CFAP53: variants seen among roughly 807,000 people sequenced by gnomAD.
The protein encoded by CFAP53 is cilia- and flagella-associated protein 53.
In CFAP53, 62 loss-of-function variants were observed where a neutral mutation model predicts 59.7. That is an observed-to-expected ratio of 1.04 (90% CI 0.85 to 1.28). The LOEUF (loss-of-function observed/expected upper bound fraction) is 1.28. Among genes scored for constraint, CFAP53 ranks in the 50% most tolerant of loss-of-function variants. The pLI is 0.00. For synonymous variants in CFAP53, 218 were observed against 205.7 expected (o/e 1.06, Z -0.51); for missense variants, 629 against 615.6 (o/e 1.02, Z -0.23).
chr18:50,261,838 A>G (rs1029368419), intron 2 of CFAP53, 152 bp downstream of exon 2: 5 of 564,766 alleles, frequency 8.9e-6, no homozygotes, highest in Non-Finnish European at 1.6e-5. Flanking sequence ...TATCACAAAT[A>G]AAAATATTAA....
intron 5 of CFAP53, among the ~76,000 whole-genome samples, chr18:50,249,415 G>A (rs77880255): frequency 0.082 from 12,403 of 151,790 alleles, 633 homozygotes; most frequent in Middle Eastern, 0.11. Flanking sequence ...CTACTCAGGA[G>A]GTTGAGGCTG....
chr18:50,238,029 A>G (rs2033654828), intron 7 of CFAP53, among the ~76,000 whole-genome samples: 2 of 152,144 alleles, frequency 1.3e-5, no homozygotes, highest in Admixed American at 1.3e-4. Context: ...AGTGTTTCAA[A>G]TTTATTTTAT....
At chr18:50,253,114 T>G (rs2144425423) in intron 3 of CFAP53, among the ~76,000 whole-genome samples, 1 of 151,802 alleles carries the variant, frequency 6.6e-6, no homozygotes, top group South Asian at 2.1e-4. Flanking sequence ...CCTCCCGGGC[T>G]CACGCCATTC....
chr18:50,247,347 A>G (rs2033754955), intron 5 of CFAP53, among the ~76,000 whole-genome samples: 1 of 152,176 alleles, frequency 6.6e-6, no homozygotes, highest in South Asian at 2.1e-4. Flanking sequence ...ACCCTCATAC[A>G]CTGCTGGTGG....
chr18:50,229,740 C>CTTTTTTT (rs141422966), intron 7 of CFAP53, among the ~76,000 whole-genome samples: 6 of 135,980 alleles, frequency 4.4e-5, no homozygotes, highest in Non-Finnish European at 9.3e-5. Flanking sequence ...TTTTCTTTTT[C>CTTTTTTT]TTTTTTTTTT....
chr18:50,259,820 G>C (rs2033875348), intron 3 of CFAP53, among the ~76,000 whole-genome samples: 3 of 152,132 alleles, frequency 2.0e-5, no homozygotes, highest in Admixed American at 2.0e-4. Context: ...AAAGTGCTGG[G>C]ATTATAGGTG....
At chr18:50,266,289 A>C in intron 1 of CFAP53, 47 bp downstream of exon 1, 5 of 1,583,434 alleles carry the variant, frequency 3.2e-6, no homozygotes, top group Non-Finnish European at 4.3e-6. Context: ...TGGAGTGCGG[A>C]GAGATGGAGA....
At chr18:50,242,413 G>C (rs1330327074) in intron 6 of CFAP53, among the ~76,000 whole-genome samples, 1 of 152,202 alleles carries the variant, frequency 6.6e-6, no homozygotes, top group Admixed American at 6.5e-5. Context: ...AGAGATTGCA[G>C]TAAAAACAGG....
chr18:50,233,682 G>A (rs2033603724), intron 7 of CFAP53, among the ~76,000 whole-genome samples: 1 of 152,154 alleles, frequency 6.6e-6, no homozygotes, highest in Admixed American at 6.5e-5. Flanking sequence ...TTGCCTCCAT[G>A]GCTGGAGCCA....
intron 1 of CFAP53, among the ~76,000 whole-genome samples, chr18:50,265,951 C>G (rs1399640475): frequency 6.6e-6 from 1 of 152,186 alleles, no homozygotes; most frequent in Non-Finnish European, 1.5e-5. Flanking sequence ...CCCGCCCTGC[C>G]CCCAGATCTG....
chr18:50,249,428 G>T (rs2033777035), intron 5 of CFAP53, among the ~76,000 whole-genome samples: 1 of 150,306 alleles, frequency 6.7e-6, no homozygotes, highest in Non-Finnish European at 1.5e-5. Flanking sequence ...TGAGGCTGAA[G>T]TATCAGTTGA....
chr18:50,262,218 C>A lies in CFAP53; in HGVS notation c.71G>T (p.Arg24Ile), dbSNP rs754876515. The A allele has an allele frequency of 8.4e-5, 135 of 1,610,874 alleles. 1 individual carries two copies. The Admixed American group carries it at 2.2e-3, about 26-fold the overall frequency. ...KGPTPKVVIV[R>I]SKPPKGQGAE... The stretch of plus-strand genomic sequence containing the variant: ...TCCTTGGCCTTTAGGAGGCTTGGAT[C>A]TCTGAAAACAAAAACCAACTATCAC... Residue 24 changes from arginine (R) to isoleucine (I), a missense_variant and splice_region_variant, in exon 2 of 8, where the codon AGA (arginine) becomes ATA (isoleucine). Transcript: ENST00000398545.
chr18:50,265,668 CA>C (rs1407267976), intron 1 of CFAP53, among the ~76,000 whole-genome samples: 1 of 152,084 alleles, frequency 6.6e-6, no homozygotes, highest in Non-Finnish European at 1.5e-5. Flanking sequence ...TTTGTAGAAA[CA>C]AAAAAATCTA....
chr18:50,231,018 C>A (rs2033578657), intron 7 of CFAP53, among the ~76,000 whole-genome samples: 1 of 152,200 alleles, frequency 6.6e-6, no homozygotes, highest in Non-Finnish European at 1.5e-5. Context: ...ATAGGTCTGC[C>A]TTTGTTCATG....
intron 2 of CFAP53, 131 bp downstream of exon 2, chr18:50,261,859 C>T (rs1401205427): frequency 1.0e-5 from 6 of 586,722 alleles, no homozygotes; most frequent in South Asian, 2.6e-5. Flanking sequence ...AAATATTAAC[C>T]AGCAATAGCT....
chr18:50,231,267 G>C (rs1378861174), intron 7 of CFAP53, among the ~76,000 whole-genome samples: 3 of 152,192 alleles, frequency 2.0e-5, no homozygotes, highest in African/African-American at 7.2e-5. Context: ...CTTGCACTGA[G>C]TTTTCCTACT....
chr18:50,264,668 G>A (rs141122079), intron 1 of CFAP53, among the ~76,000 whole-genome samples: 2 of 152,250 alleles, frequency 1.3e-5, no homozygotes, highest in African/African-American at 4.8e-5. Context: ...CTCAGACACC[G>A]GAGGAGCAGA....
intron 5 of CFAP53, among the ~76,000 whole-genome samples, chr18:50,246,382 G>GAATTAT (rs1196230244): frequency 2.0e-5 from 3 of 152,126 alleles, no homozygotes; most frequent in African/African-American, 7.2e-5. Context: ...AACAATTAGA[G>GAATTAT]AATTATTTCA....
chr18:50,243,193 T>C (rs2033709927), intron 5 of CFAP53, 77 bp from the exon 6 acceptor site: 1 of 976,776 alleles, frequency 1.0e-6, no homozygotes, highest in Non-Finnish European at 1.6e-6. Flanking sequence ...AAAAAAATCT[T>C]TAAAAGCTCC....
Sources: gnomAD v4.1 joint callset for allele counts (sites outside exome capture counted in the v4.1 genomes callset) on GRCh38, gnomAD v4.1.1 for gene constraint, MANE v1.5 for transcripts, NCBI Gene and HGNC (gene_info 2026-07-23, HGNC 2026-07-21) for gene names.